The following LRMDA variants were observed in gnomAD, a reference collection of about 807,000 sequenced individuals.
LRMDA encodes the protein leucine-rich melanocyte differentiation-associated protein.
A neutral mutation model predicts 29.8 loss-of-function variants in LRMDA; 18 were observed. That is an observed-to-expected ratio of 0.60 (90% CI 0.42 to 0.90). The LOEUF is 0.90. LRMDA is among the 40% of genes least tolerant of loss of function. The pLI, the probability that LRMDA is intolerant of heterozygous loss-of-function variation, is 0.00. For synonymous variants in LRMDA, 125 were observed against 109.4 expected (o/e 1.14, Z -0.89); for missense variants, 273 against 273.9 (o/e 1.00, Z 0.02).
chr10:76,229,038 A>G (rs970099607), intron 5 of LRMDA, among the ~76,000 whole-genome samples: 1 of 152,216 alleles, frequency 6.6e-6, no homozygotes, highest in African/African-American at 2.4e-5. Context: ...TGGTTTCTCT[A>G]TGAAGGATAA....
intron 5 of LRMDA, among the ~76,000 whole-genome samples, chr10:76,076,477 A>C (rs1353329495): frequency 6.6e-6 from 1 of 151,986 alleles, no homozygotes; most frequent in Non-Finnish European, 1.5e-5. Flanking sequence ...CTGAATGTGA[A>C]GATAGAGAGT....
chr10:75,442,148 C>G (rs1844333158), intron 2 of LRMDA, among the ~76,000 whole-genome samples: 1 of 152,184 alleles, frequency 6.6e-6, no homozygotes, highest in Admixed American at 6.5e-5. Context: ...GCATAATTGA[C>G]AGCTAAAAGT....
intron 2 of LRMDA, among the ~76,000 whole-genome samples, chr10:76,030,239 T>C (rs1848126754): frequency 6.6e-6 from 1 of 152,012 alleles, no homozygotes; most frequent in Admixed American, 6.5e-5. Context: ...AGTTGATTTA[T>C]ATAATTATTT....
intron 2 of LRMDA, among the ~76,000 whole-genome samples, chr10:76,000,788 A>G (rs1847549927): frequency 6.6e-6 from 1 of 152,040 alleles, no homozygotes; most frequent in South Asian, 2.1e-4. Flanking sequence ...CCTGCATTTG[A>G]GGGTTTCTTG....
At chr10:75,984,239 A>C (rs1298967432) in intron 2 of LRMDA, among the ~76,000 whole-genome samples, 1 of 148,092 alleles carries the variant, frequency 6.8e-6, no homozygotes, top group Non-Finnish European at 1.5e-5. Context: ...TGGGTCCTGC[A>C]AGGCCAGGCT....
At position 76,533,035 on chromosome 10, in the gene LRMDA, C is replaced by G. The variant is rs1032885590; in HGVS notation, c.602-24174C>G. ...TAAATTATTTTCATAGTTGTAATAA[C>G]AAATAAATTTCTTATTCAAAGAAGA... On this transcript the variant is annotated intron_variant, in intron 6 of 6. Transcript: ENST00000611255. Among the ~76,000 whole-genome samples the G allele has an allele frequency of 3.9e-5, 6 of 151,960 alleles. No homozygotes were observed. The East Asian group carries it at 9.6e-4, about 24-fold the overall frequency.
intron 2 of LRMDA, among the ~76,000 whole-genome samples, chr10:75,692,217 AAAATAT>A (rs755325156): frequency 0.08 from 4,035 of 50,596 alleles, 185 homozygotes; most frequent in East Asian, 0.31. Flanking sequence ...GGAAAAAAAA[AAAATAT>A]ATATATATAT....
At chr10:75,600,507 T>TGACTGTGA (rs1353150329) in intron 2 of LRMDA, among the ~76,000 whole-genome samples, 3 of 152,230 alleles carry the variant, frequency 2.0e-5, no homozygotes, top group Non-Finnish European at 4.4e-5. Flanking sequence ...TTGTTATTCC[T>TGACTGTGA]GACTGTGAGA....
At chr10:76,331,056 A>G (rs2132406672) in intron 6 of LRMDA, among the ~76,000 whole-genome samples, 1 of 152,298 alleles carries the variant, frequency 6.6e-6, no homozygotes, top group African/African-American at 2.4e-5. Context: ...GGATCACTTG[A>G]GGTCAGGAGT....
chr10:75,581,621 A>G (rs374143426), intron 2 of LRMDA, among the ~76,000 whole-genome samples: 2 of 152,142 alleles, frequency 1.3e-5, no homozygotes, highest in East Asian at 3.9e-4. Context: ...AAAAAGGATG[A>G]GTTCATGTCC....
chr10:75,440,194 C>A (rs797008165), intron 2 of LRMDA, among the ~76,000 whole-genome samples: 18 of 147,582 alleles, frequency 1.2e-4, no homozygotes, highest in African/African-American at 4.6e-4. Flanking sequence ...GGGGCTGGAT[C>A]TATATGGATT....
intron 5 of LRMDA, among the ~76,000 whole-genome samples, chr10:76,214,045 G>T (rs79122412): frequency 0.012 from 1,869 of 152,284 alleles, 40 homozygotes; most frequent in African/African-American, 0.042. Context: ...ATGGCCCATG[G>T]AGGTGAGGGA....
intron 5 of LRMDA, among the ~76,000 whole-genome samples, chr10:76,293,307 A>C (rs543030485): frequency 7.9e-5 from 12 of 152,286 alleles, no homozygotes; most frequent in African/African-American, 2.9e-4. Flanking sequence ...ATCATTGTAT[A>C]TCTTTAGGCA....
intron 5 of LRMDA, among the ~76,000 whole-genome samples, chr10:76,261,527 A>G (rs1462907301): frequency 6.6e-6 from 1 of 152,164 alleles, no homozygotes; most frequent in Non-Finnish European, 1.5e-5. Context: ...TGAACAGTGA[A>G]TTAATGCTGG....
At chr10:75,483,867 G>GTT (rs548925147) in intron 2 of LRMDA, among the ~76,000 whole-genome samples, 7 of 119,148 alleles carry the variant, frequency 5.9e-5, no homozygotes, top group African/African-American at 1.5e-4. Flanking sequence ...GTATGGAGAG[G>GTT]TTTTTTTTTT....
chr10:75,641,014 A>G (rs946521738), intron 2 of LRMDA, among the ~76,000 whole-genome samples: 1 of 152,226 alleles, frequency 6.6e-6, no homozygotes, highest in Non-Finnish European at 1.5e-5. Flanking sequence ...AGTAGAATAC[A>G]CCACTGTTAA....
intron 5 of LRMDA, among the ~76,000 whole-genome samples, chr10:76,160,602 C>A (rs1215103326): frequency 6.6e-6 from 1 of 152,036 alleles, no homozygotes; most frequent in East Asian, 1.9e-4. Context: ...CAAGAGGGCT[C>A]ATTATACTGT....
chr10:75,894,941 C>T (rs1360704571), intron 2 of LRMDA, among the ~76,000 whole-genome samples: 3 of 152,182 alleles, frequency 2.0e-5, no homozygotes, highest in Non-Finnish European at 4.4e-5. Flanking sequence ...GTTTTCCTTA[C>T]TTTCAGATGA....
At chr10:75,623,753 G>C (rs1322970242) in intron 2 of LRMDA, among the ~76,000 whole-genome samples, 1 of 152,216 alleles carries the variant, frequency 6.6e-6, no homozygotes, top group East Asian at 1.9e-4. Flanking sequence ...TGGCAGATTT[G>C]CAAATTTGTA....
Sources: allele counts gnomAD v4.1 joint callset (sites outside exome capture counted in the v4.1 genomes callset), GRCh38; gene constraint gnomAD v4.1.1; transcripts MANE v1.5; gene names NCBI Gene and HGNC (gene_info 2026-07-23, HGNC 2026-07-21).